ZSCAN23: variants seen among roughly 807,000 people sequenced by gnomAD.
ZSCAN23 encodes zinc finger and SCAN domain containing 23.
Under a neutral mutation model 19.3 loss-of-function variants are expected in ZSCAN23, and 19 were observed. The ratio of observed to expected loss-of-function variants is 0.99; its 90% CI spans 0.69 to 1.45. ZSCAN23 has a LOEUF of 1.45. Ranked by LOEUF, ZSCAN23 falls within the 40% of genes most tolerant of loss-of-function variation. ZSCAN23 has a pLI of 0.00. For missense variants in ZSCAN23, 372 were observed against 462.5 expected, an observed-to-expected ratio of 0.80 and a Z score of 1.79; for synonymous variants, 140 against 166.2, an observed-to-expected ratio of 0.84 and a Z score of 1.21.
chr6:28,439,103 T>C (rs1398640635), intron 1 of ZSCAN23, among the ~76,000 whole-genome samples: 1 of 141,882 alleles, frequency 7.0e-6, no homozygotes, highest in Non-Finnish European at 1.5e-5. Flanking sequence ...TTTCCCCCAC[T>C]TTTTTTTTTT....
downstream of ZSCAN23, among the ~76,000 whole-genome samples, chr6:28,431,407 T>C (rs1319561057): frequency 2.0e-5 from 3 of 152,222 alleles, no homozygotes; most frequent in Admixed American, 2.0e-4. Context: ...CTTTTCATTT[T>C]CAAGTGTCCC....
At chr6:28,440,761 G>C (rs889313259) in intron 1 of ZSCAN23, among the ~76,000 whole-genome samples, 8 of 152,128 alleles carry the variant, frequency 5.3e-5, no homozygotes, top group African/African-American at 1.9e-4. Context: ...CTGGGATGTG[G>C]TGTTTCAAAT....
chr6:28,434,620 T>C lies in ZSCAN23; in HGVS notation c.1015A>G (p.Asn339Asp). The change falls in exon 4 of 4, where the codon AAT (asparagine) becomes GAT (aspartate). Residue 339 changes from asparagine (N) to aspartate (D), a missense_variant. By Grantham distance (23) the Asn-to-Asp change is conservative (BLOSUM62 1). Coordinates refer to ENST00000289788, the MANE Select transcript of ZSCAN23 (RefSeq NM_001012455.2). ...ACTGAACGTCGACTAAAACTCTTAT[T>C]GCACTGATTGCACTGGTAAGGCTTC... The part of the protein sequence containing the change: ...GEKPYQCNQC[N>D]KSFSRRSVLI... 1 of 1,557,980 alleles carries C rather than the reference T, an allele frequency of 6.4e-7. No homozygotes were observed. The highest frequency in any genetic ancestry group is 8.7e-7 in the Non-Finnish European group (1 of 1,150,742).
Position 28,436,191 on chromosome 6 carries a change from C to T in ZSCAN23, c.76G>A (p.Glu26Lys), listed in dbSNP as rs1305157859. ...GATTCTGGCCCACAGGAATGTTCCT[C>T]CTCTTCCTCCTTTACCTTCACTGCC... The part of the protein sequence containing the change: ...LLAVKVKEEE[E>K]EHSCGPESGL... Residue 26 changes from glutamate to lysine, a missense_variant, in exon 2 of 4, where the codon GAG (glutamate) becomes AAG (lysine). Coordinates refer to ENST00000289788, the MANE Select transcript of ZSCAN23 (RefSeq NM_001012455.2). 14 of 1,555,006 alleles carry T rather than the reference C, an allele frequency of 9.0e-6. No individual in the cohort carries two copies. The highest frequency in any genetic ancestry group is 1.4e-5 in the African/African-American group (1 of 73,144).
At chr6:28,422,382 T>C in the ZSCAN23 span, among the ~76,000 whole-genome samples, 1 of 152,204 alleles carries the variant, frequency 6.6e-6, no homozygotes, top group South Asian at 2.1e-4. The surrounding 1 kb of genome is among the most constrained non-coding windows in gnomAD (Gnocchi z 4.0). Flanking sequence ...ATAGGTATTA[T>C]ATGTAACTTG....
At chr6:28,422,586 A>G in the ZSCAN23 span, among the ~76,000 whole-genome samples, 1 of 152,174 alleles carries the variant, frequency 6.6e-6, no homozygotes, top group Non-Finnish European at 1.5e-5. This position sits in a 1 kb window ranked among gnomAD's most constrained non-coding sequence, Gnocchi z 4.0. Flanking sequence ...GTAGTTTTCT[A>G]TTGGCTTCAA....
At chr6:28,429,618 T>C (rs180787802), downstream of ZSCAN23, among the ~76,000 whole-genome samples, 3 of 152,270 alleles carry the variant, frequency 2.0e-5, no homozygotes, top group East Asian at 5.8e-4. Flanking sequence ...TGTGCCCTCA[T>C]CTCAGAAGGG....
downstream of ZSCAN23, among the ~76,000 whole-genome samples, chr6:28,430,381 C>G (rs78555057): frequency 2.4e-3 from 372 of 152,180 alleles, no homozygotes; most frequent in African/African-American, 8.5e-3. Context: ...AACAAAACAA[C>G]CAACCAACCA....
chr6:28,428,667 C>G (rs74409142), downstream of ZSCAN23, among the ~76,000 whole-genome samples: 6,505 of 152,224 alleles, frequency 0.043, 300 homozygotes, highest in East Asian at 0.23. Flanking sequence ...CTTTCCAATT[C>G]ATTCACCACA....
the ZSCAN23 span, among the ~76,000 whole-genome samples, chr6:28,426,559 A>G: frequency 3.9e-5 from 6 of 152,178 alleles, no homozygotes; most frequent in Non-Finnish European, 8.8e-5. Flanking sequence ...ACAGATCACC[A>G]TAATAGATAT....
chr6:28,438,317 G>A (rs980762589), intron 1 of ZSCAN23, among the ~76,000 whole-genome samples: 30 of 152,020 alleles, frequency 2.0e-4, no homozygotes, highest in African/African-American at 7.0e-4. Context: ...GGCTGGTCTC[G>A]AACTCCTGAC....
chr6:28,443,124 G>C (rs1038890147), intron 1 of ZSCAN23, among the ~76,000 whole-genome samples: 2 of 152,200 alleles, frequency 1.3e-5, no homozygotes, highest in African/African-American at 4.8e-5. Flanking sequence ...CTAAGATGCA[G>C]ATACGGAGAG....
At chr6:28,439,879 A>G (rs1401388072) in intron 1 of ZSCAN23, among the ~76,000 whole-genome samples, 2 of 152,222 alleles carry the variant, frequency 1.3e-5, no homozygotes, top group Non-Finnish European at 2.9e-5. Context: ...CTGCTACAAC[A>G]CTAACTTCTG....
chr6:28,431,807 A>G (rs1395680099), downstream of ZSCAN23: 1 of 152,136 alleles, frequency 6.6e-6, no homozygotes, highest in Non-Finnish European at 1.5e-5. Context: ...AATAAGAGAG[A>G]TTTCTAATAA....
chr6:28,424,104 G>T, the ZSCAN23 span, among the ~76,000 whole-genome samples: 1 of 152,062 alleles, frequency 6.6e-6, no homozygotes, highest in African/African-American at 2.4e-5. Flanking sequence ...GCATACATTG[G>T]ACATATTGCA....
intron 1 of ZSCAN23, among the ~76,000 whole-genome samples, chr6:28,436,962 A>T (rs1761903195): frequency 1.3e-5 from 2 of 152,178 alleles, no homozygotes; most frequent in African/African-American, 4.8e-5. Context: ...TGGTCTCTTC[A>T]ATCTATAAAA....
chr6:28,441,279 C>A (rs1581809154), intron 1 of ZSCAN23, among the ~76,000 whole-genome samples: 1 of 152,172 alleles, frequency 6.6e-6, no homozygotes, highest in Non-Finnish European at 1.5e-5. Context: ...TGGATGAATT[C>A]CCAAACTCTC....
At chr6:28,435,764 T>TC (rs1561978194) in intron 2 of ZSCAN23, 95 bp downstream of exon 2, 1 of 1,305,152 alleles carries the variant, frequency 7.7e-7, no homozygotes, top group Non-Finnish European at 1.0e-6. Context: ...AAGTCTGGCA[T>TC]AAAAAAAAAA....
At chr6:28,427,426 A>C (rs534898897), downstream of ZSCAN23, among the ~76,000 whole-genome samples, 1 of 152,332 alleles carries the variant, frequency 6.6e-6, no homozygotes, top group East Asian at 1.9e-4. Context: ...CATCATTGTG[A>C]GAATATCATA....
Sources: gnomAD v4.1 joint callset for allele counts (sites outside exome capture counted in the v4.1 genomes callset) on GRCh38, gnomAD v4.1.1 for gene constraint, Gnocchi (gnomAD v3.1) non-coding constraint, MANE v1.5 for transcripts, NCBI Gene and HGNC (gene_info 2026-07-23, HGNC 2026-07-21) for gene names.